Variants in STRIP2 observed in about 807,000 individuals in gnomAD.
STRIP2 encodes the protein striatin-interacting protein 2.
Under a neutral mutation model 107.1 loss-of-function variants are expected in STRIP2, and 84 were observed. That is an observed-to-expected ratio of 0.78 (90% CI 0.66 to 0.94). The LOEUF (loss-of-function observed/expected upper bound fraction) is 0.94, where lower values mean the gene tolerates loss of function less well. Ranked by LOEUF, STRIP2 falls within the 40% of genes least tolerant of loss-of-function variation. STRIP2 has a pLI of 0.00. For missense variants in STRIP2, 888 were observed against 1,034.2 expected (o/e 0.86, Z 1.94); for synonymous variants, 394 against 400.4 (o/e 0.98, Z 0.19).
chr7:129,464,697 C>T lies in STRIP2; in HGVS notation c.1735C>T (p.Leu579=). 6.2e-7 allele frequency: 1 copy of T among 1,614,148 alleles called. No individual in the cohort carries two copies. Among genetic ancestry groups the T allele is most frequent in the Non-Finnish European group, 8.5e-7 (1 of 1,180,006 alleles). The change falls in exon 16 of 21, where the codon CTG becomes TTG. Residue 579 remains leucine, a synonymous_variant. Coordinates refer to ENST00000249344, the MANE Select transcript of STRIP2 (RefSeq NM_020704.3). The part of the protein sequence containing the change: ...IIVKSISTLL[L]LLLKHFKLNH... ...TGTAAAGAGTATCTCTACCCTGCTT[C>T]TGCTACTCCTCAAACACTTCAAACT...
intron 18 of STRIP2, among the ~76,000 whole-genome samples, chr7:129,476,612 C>T (rs537394671): frequency 2.4e-4 from 34 of 140,030 alleles, no homozygotes; most frequent in Non-Finnish European, 3.5e-4. Flanking sequence ...CCACATCTCA[C>T]GATGGGCGGC....
rs1798356362 is a variant in STRIP2, at chr7:129,456,470, C to A, written c.866C>A (p.Thr289Asn). The change falls in exon 9 of 21, where the codon ACT (threonine) becomes AAT (asparagine). Residue 289 changes from threonine (T) to asparagine (N), a missense_variant. By Grantham distance (65) the Thr-to-Asn change is moderately conservative. Coordinates refer to ENST00000249344, the MANE Select transcript of STRIP2 (RefSeq NM_020704.3). ...CTCGGTGGATTTGAGCATCTGCAGA[C>A]TCTCAAAGTACAGAAGCGGGCAGAA... is the stretch of plus-strand genomic sequence containing the variant. ...FTLGGFEHLQTLKVQKRAELG... is the reference protein window; with the variant it reads ...FTLGGFEHLQNLKVQKRAELG... 1 of 1,613,822 alleles carries A rather than the reference C, an allele frequency of 6.2e-7. No homozygotes were observed. The highest frequency in any genetic ancestry group is 1.1e-5 in the South Asian group (1 of 91,058).
intron 1 of STRIP2, 84 bp downstream of exon 1, chr7:129,434,685 C>G (rs955005192): frequency 4.3e-5 from 59 of 1,362,642 alleles, no homozygotes; most frequent in Admixed American, 1.8e-4. Flanking sequence ...GCCTCGGCCC[C>G]GGAGCCCTCG....
chr7:129,480,343 T>TA (rs893778972), intron 18 of STRIP2, among the ~76,000 whole-genome samples: 3 of 151,692 alleles, frequency 2.0e-5, no homozygotes, highest in African/African-American at 4.8e-5. Context: ...GTTGATAAGA[T>TA]AAAAAAAAAT....
chr7:129,473,884 A>AT (rs1473242617), intron 18 of STRIP2, among the ~76,000 whole-genome samples: 3 of 151,652 alleles, frequency 2.0e-5, no homozygotes, highest in Non-Finnish European at 4.4e-5. Context: ...CGCCTGGCTA[A>AT]TTTTTTGTAT....
intron 17 of STRIP2, among the ~76,000 whole-genome samples, chr7:129,469,521 G>A (rs894830660): frequency 2.6e-5 from 4 of 152,220 alleles, no homozygotes; most frequent in African/African-American, 9.7e-5. Flanking sequence ...GAGGTGGGTG[G>A]ATAGGTGGAT....
At chr7:129,472,567 T>C (rs1370734091) in intron 18 of STRIP2, among the ~76,000 whole-genome samples, 1 of 152,102 alleles carries the variant, frequency 6.6e-6, no homozygotes, top group East Asian at 1.9e-4. Flanking sequence ...TTGCTTGAAT[T>C]TTGAATGAGC....
intron 3 of STRIP2, among the ~76,000 whole-genome samples, chr7:129,446,471 A>G (rs1183432672): frequency 6.6e-6 from 1 of 152,142 alleles, no homozygotes; most frequent in Non-Finnish European, 1.5e-5. Context: ...TTATCCTTCC[A>G]TGCAAAGTAC....
intron 4 of STRIP2, among the ~76,000 whole-genome samples, chr7:129,452,973 A>G (rs776795100): frequency 2.0e-5 from 3 of 152,034 alleles, no homozygotes; most frequent in Non-Finnish European, 4.4e-5. Context: ...ATCCTTACTT[A>G]CCTCAGGATC....
chr7:129,459,594 G>C lies in STRIP2; in HGVS notation c.1404+14G>C, dbSNP rs1306040840. 1 of 1,610,596 alleles carries C rather than the reference G, an allele frequency of 6.2e-7. No individual in the cohort carries two copies. The highest frequency in any genetic ancestry group is 2.2e-5 in the East Asian group (1 of 44,874). On this transcript the variant is annotated intron_variant, in intron 12 of 20. Transcript: ENST00000249344. ...ACCCTAAAGCAGGTGACTGGGGTGG[G>C]CTCTCAGTCTTCAGGGATAGGGAGC...
At chr7:129,444,149 A>G in intron 3 of STRIP2, 51 bp downstream of exon 3, 3 of 1,373,550 alleles carry the variant, frequency 2.2e-6, no homozygotes, top group Non-Finnish European at 3.1e-6. Flanking sequence ...TTTATGATAT[A>G]CCAGCCTGAT....
rs946931227 is a variant in STRIP2 at position 129,488,337 on chromosome 7, G to A, written c.*2508G>A. On this transcript the variant is annotated 3_prime_UTR_variant, in exon 21 of 21. Transcript: ENST00000249344. Reference sequence around the variant, plus strand: ...TATTTCAGTAAAGTTTGTGTTGATTGTTGATAACACTGTTCATCTACTGAA... The same window carrying A: ...TATTTCAGTAAAGTTTGTGTTGATTATTGATAACACTGTTCATCTACTGAA... 6.6e-6 allele frequency: 1 copy of A among 152,610 alleles called. No homozygotes were observed. The highest frequency in any genetic ancestry group is 1.5e-5 in the Non-Finnish European group (1 of 68,038). The allele number at this position is 152,610 out of a possible 1,614,324, so 9.5% of individuals were successfully genotyped here.
chr7:129,437,801 G>GTTTTTTTTTTTTT (rs1424944608), intron 1 of STRIP2, among the ~76,000 whole-genome samples: 1 of 29,172 alleles, frequency 3.4e-5, no homozygotes, highest in African/African-American at 9.7e-5. Context: ...GATTCGCCTT[G>GTTTTTTTTTTTTT]TTTTTTTTTG....
At chr7:129,448,731 A>G (rs987076512) in intron 3 of STRIP2, among the ~76,000 whole-genome samples, 3 of 152,070 alleles carry the variant, frequency 2.0e-5, no homozygotes, top group African/African-American at 7.2e-5. Context: ...CTTGCCTTTG[A>G]TGGTCGAGTG....
At position 129,435,251 on chromosome 7, in the gene STRIP2, T is replaced by G. The variant is rs113608077; in HGVS notation, c.129+650T>G. ...GGAGGGAGCAGTCGCAGGATACAGA[T>G]AGGAGTGTGAATATTTCGATCTCTT... On this transcript the variant is annotated intron_variant, in intron 1 of 20. Coordinates refer to ENST00000249344, the MANE Select transcript of STRIP2 (RefSeq NM_020704.3). 2.6e-3 allele frequency among the ~76,000 whole-genome samples: 394 copies of G among 152,290 alleles called. 3 individuals are homozygous for G. The highest frequency in any genetic ancestry group is 4.6e-3 in the South Asian group (22 of 4,822).
chr7:129,451,585 CTGGA>C, intron 3 of STRIP2, 24 bp from the exon 4 acceptor site: 12 of 1,612,852 alleles, frequency 7.4e-6, no homozygotes, highest in Non-Finnish European at 1.0e-5. Context: ...ATAGCTGACA[CTGGA>C]TGTATATGGC....
intron 3 of STRIP2, among the ~76,000 whole-genome samples, chr7:129,446,223 C>T (rs1798030372): frequency 6.6e-6 from 1 of 152,050 alleles, no homozygotes; most frequent in Non-Finnish European, 1.5e-5. Context: ...CAGAACGGGT[C>T]ATCCTATCCA....
At chr7:129,441,412 A>G (rs1051617155) in intron 2 of STRIP2, among the ~76,000 whole-genome samples, 7 of 152,234 alleles carry the variant, frequency 4.6e-5, no homozygotes, top group Non-Finnish European at 8.8e-5. Context: ...AAAATGTACA[A>G]AGATGTTTAT....
In STRIP2 at chr7:129,487,414, A is replaced by AGTC. The variant is rs1159216474; in HGVS notation, c.*1586_*1588dup. ...CAGGTCACTTTATGCTGGGTGATAT[A>AGTC]GTCAAAATTTGCTTATTTACTCTGC... On this transcript the variant is annotated 3_prime_UTR_variant, in exon 21 of 21. Coordinates refer to ENST00000249344, the MANE Select transcript of STRIP2 (RefSeq NM_020704.3). 1 of 152,210 alleles carries AGTC rather than the reference A, an allele frequency of 6.6e-6. No individual in the cohort carries two copies. Among genetic ancestry groups the AGTC allele is most frequent in the Non-Finnish European group, 1.5e-5 (1 of 68,042 alleles). 9.4% of individuals were successfully genotyped at this position (152,210 alleles called of 1,614,324 possible). A position where few individuals can be genotyped will look rare whatever the true frequency, so the allele number is the denominator to read the frequency against.
Sources: gnomAD v4.1 joint callset for allele counts (sites outside exome capture counted in the v4.1 genomes callset) on GRCh38, gnomAD v4.1.1 for gene constraint, MANE v1.5 for transcripts, NCBI Gene and HGNC (gene_info 2026-07-23, HGNC 2026-07-21) for gene names.